Variants in P2RX3 observed in about 807,000 individuals in gnomAD.
P2RX3 encodes the protein purinergic receptor P2X 3.
A neutral mutation model predicts 51.5 loss-of-function variants in P2RX3; 41 were observed. The ratio of observed to expected loss-of-function variants is 0.80; its 90% CI spans 0.62 to 1.03. The LOEUF (loss-of-function observed/expected upper bound fraction) is 1.03. Ranked by LOEUF, P2RX3 falls within the 50% of genes least tolerant of loss-of-function variation. P2RX3 has a pLI of 0.00. For missense variants in P2RX3, 459 were observed against 522.1 expected, an observed-to-expected ratio of 0.88 and a Z score of 1.18; for synonymous variants, 185 against 191.6, an observed-to-expected ratio of 0.97 and a Z score of 0.29.
intron 1 of P2RX3, among the ~76,000 whole-genome samples, chr11:57,343,925 G>A (rs932059879): frequency 2.6e-5 from 4 of 152,204 alleles, no homozygotes; most frequent in Non-Finnish European, 5.9e-5. Flanking sequence ...GGTTTCCTGT[G>A]ACAGGGAGGC....
chr11:57,368,153 C>T (rs2134451192), intron 9 of P2RX3, 51 bp downstream of exon 9: 1 of 1,565,426 alleles, frequency 6.4e-7, no homozygotes, highest in Non-Finnish European at 8.8e-7. Context: ...CAGCCCAGAC[C>T]ACCTCTCGGG....
At chr11:57,339,219 G>A (rs913896984) in intron 1 of P2RX3, among the ~76,000 whole-genome samples, 3 of 152,154 alleles carry the variant, frequency 2.0e-5, no homozygotes, top group Non-Finnish European at 4.4e-5. Context: ...GGGTGAGATG[G>A]TGAGAGAGAG....
At chr11:57,364,190 C>G (rs987234577) in intron 8 of P2RX3, among the ~76,000 whole-genome samples, 5 of 152,206 alleles carry the variant, frequency 3.3e-5, no homozygotes, top group African/African-American at 9.7e-5. Context: ...CCCCTGCCCA[C>G]TACCCATGGG....
rs1350891297 is a variant in P2RX3, at chr11:57,368,447, G to A, written c.1002+10G>A. On this transcript the variant is annotated intron_variant, in intron 10 of 11. Coordinates refer to ENST00000263314, the MANE Select transcript of P2RX3 (RefSeq NM_002559.5). ...TACTTCTGTGGGAGTGGTGAGTTCA[G>A]CCCCTCCACGCTCTGACGGGCCAGT... is the stretch of plus-strand genomic sequence containing the variant. 6.2e-7 allele frequency: 1 copy of A among 1,613,860 alleles called. No homozygotes were observed. The highest frequency in any genetic ancestry group is 8.5e-7 in the Non-Finnish European group (1 of 1,179,914).
rs1199825965 is a variant in P2RX3, at chr11:57,338,425, C to A, written c.-126C>A. The stretch of plus-strand genomic sequence containing the variant: ...GCATGGCTTAAAGGGACAGGCTCCC[C>A]ATTCCTCCAACCCCTCTAAGCTGCC... On this transcript the variant is annotated 5_prime_UTR_variant, in exon 1 of 12. Transcript: ENST00000263314. 2 of 572,100 alleles carry A rather than the reference C, an allele frequency of 3.5e-6. No homozygotes were observed. The highest frequency in any genetic ancestry group is 1.8e-5 in the African/African-American group (1 of 55,168). 35.4% of individuals were successfully genotyped at this position (572,100 alleles called of 1,614,324 possible). A position where few individuals can be genotyped will look rare whatever the true frequency, so the allele number is the denominator to read the frequency against.
chr11:57,365,974 C>A (rs1229459642), intron 8 of P2RX3, among the ~76,000 whole-genome samples: 2 of 152,188 alleles, frequency 1.3e-5, no homozygotes, highest in Non-Finnish European at 2.9e-5. Flanking sequence ...GTTTCTCAGG[C>A]CCCTGGTGGG....
chr11:57,369,529 T>C (rs925533496), intron 11 of P2RX3, 91 bp downstream of exon 11: 1 of 1,215,690 alleles, frequency 8.2e-7, no homozygotes, highest in African/African-American at 1.5e-5. Flanking sequence ...TTCTGAGGCC[T>C]TCTGAAGGGG....
chr11:57,370,817 GC>G lies in P2RX3; in HGVS notation c.*825del, dbSNP rs552507688. Among the ~76,000 whole-genome samples the G allele has an allele frequency of 4.5e-4, 69 of 152,226 alleles. No individual in the cohort carries two copies. The highest frequency in any genetic ancestry group is 3.4e-3 in the Middle Eastern group (1 of 292). On this transcript the variant is annotated 3_prime_UTR_variant, in exon 12 of 12. Coordinates refer to ENST00000263314, the MANE Select transcript of P2RX3 (RefSeq NM_002559.5). ...GGACCCCACACCCACACACATCTGG[GC>G]CCCCTCACTCTGGGGATTTGATTCC... is the stretch of plus-strand genomic sequence containing the variant.
In P2RX3 at chr11:57,370,763, A is replaced by G. The variant is rs1199588472; in HGVS notation, c.*766A>G. Among the ~76,000 whole-genome samples, 3 of 152,304 alleles carry G rather than the reference A, an allele frequency of 2.0e-5. No homozygotes were observed. Among genetic ancestry groups the G allele is most frequent in the Admixed American group, 6.5e-5 (1 of 15,312 alleles). On this transcript the variant is annotated 3_prime_UTR_variant, in exon 12 of 12. Transcript: ENST00000263314. ...CTCCCCATAGCTCTCTCCCCAAACCAGGGAAGGGGTCATTCTTGTTCTTCT... is the reference window on the plus strand; with the variant it reads ...CTCCCCATAGCTCTCTCCCCAAACCGGGGAAGGGGTCATTCTTGTTCTTCT...
At chr11:57,357,252 G>A (rs760165418) in intron 8 of P2RX3, among the ~76,000 whole-genome samples, 12 of 152,156 alleles carry the variant, frequency 7.9e-5, no homozygotes, top group Non-Finnish European at 1.3e-4. Context: ...ACCCAGAGAC[G>A]GAGGTTGTAG....
At chr11:57,348,117 G>C in intron 4 of P2RX3, 53 bp from the exon 5 acceptor site, 4 of 1,457,466 alleles carry the variant, frequency 2.7e-6, no homozygotes, top group Non-Finnish European at 3.7e-6. Flanking sequence ...AGGAAGGAAA[G>C]GGAGAGGAGC....
At chr11:57,341,519 A>G (rs2134406082) in intron 1 of P2RX3, among the ~76,000 whole-genome samples, 1 of 152,200 alleles carries the variant, frequency 6.6e-6, no homozygotes, top group South Asian at 2.1e-4. Context: ...GGGCACACAG[A>G]GAGGCCTGGA....
chr11:57,348,561 C>T, intron 5 of P2RX3, 66 bp from the exon 6 acceptor site: 1 of 1,377,808 alleles, frequency 7.3e-7, no homozygotes, highest in Non-Finnish European at 1.0e-6. Context: ...AGGTCGCCCT[C>T]AGGTGAAAGC....
chr11:57,369,535 A>AG, intron 11 of P2RX3, 97 bp downstream of exon 11: 4 of 1,161,736 alleles, frequency 3.4e-6, no homozygotes, highest in Non-Finnish European at 4.9e-6. Context: ...GGCCTTCTGA[A>AG]GGGGGGTTCA....
chr11:57,356,570 G>A (rs1314527480), intron 8 of P2RX3, among the ~76,000 whole-genome samples: 2 of 152,180 alleles, frequency 1.3e-5, no homozygotes, highest in Admixed American at 6.5e-5. Flanking sequence ...CATGAAGCTC[G>A]GAGATTTGGC....
intron 8 of P2RX3, among the ~76,000 whole-genome samples, chr11:57,365,720 G>T (rs1362819194): frequency 1.3e-5 from 2 of 152,176 alleles, no homozygotes; most frequent in African/African-American, 4.8e-5. Flanking sequence ...TTAACAAGTG[G>T]GGGAGCCAGG....
In P2RX3 at chr11:57,338,450, C is replaced by A; in HGVS notation, c.-101C>A. The A allele has an allele frequency of 1.4e-6, 1 of 693,406 alleles. No individual in the cohort carries two copies. Among genetic ancestry groups the A allele is most frequent in the South Asian group, 2.1e-5 (1 of 47,528 alleles). The allele number at this position is 693,406 out of a possible 1,614,324, so 43.0% of individuals were successfully genotyped here. On this transcript the variant is annotated 5_prime_UTR_variant, in exon 1 of 12. Transcript: ENST00000263314. ...CATTCCTCCAACCCCTCTAAGCTGC[C>A]CCCTCCAGGTCGTGATCTCGTCTCC...
chr11:57,366,417 G>A (rs186054233), intron 8 of P2RX3, among the ~76,000 whole-genome samples: 30 of 152,172 alleles, frequency 2.0e-4, no homozygotes, highest in African/African-American at 5.8e-4. Context: ...CTGAGTCCCC[G>A]GCATGGTTCA....
intron 8 of P2RX3, among the ~76,000 whole-genome samples, chr11:57,354,193 C>G (rs1271692778): frequency 6.6e-6 from 1 of 152,114 alleles, no homozygotes; most frequent in African/African-American, 2.4e-5. Context: ...CCCTTTAAAT[C>G]CTCTCCAGTG....
Sources: allele counts gnomAD v4.1 joint callset (sites outside exome capture counted in the v4.1 genomes callset), GRCh38; gene constraint gnomAD v4.1.1; transcripts MANE v1.5; gene names NCBI Gene and HGNC (gene_info 2026-07-23, HGNC 2026-07-21).